Variants in PLEKHN1 observed in about 807,000 individuals in gnomAD.
The protein encoded by PLEKHN1 is pleckstrin homology domain containing N1.
Under a neutral mutation model 72.8 loss-of-function variants are expected in PLEKHN1, and 68 were observed. That is an observed-to-expected ratio of 0.93 (90% CI 0.77 to 1.14). The LOEUF is 1.14. Among genes scored for constraint, PLEKHN1 ranks in the 50% most tolerant of loss-of-function variants. The pLI is 0.00. For missense variants in PLEKHN1, 1,015 were observed against 840.5 expected, an observed-to-expected ratio of 1.21 and a Z score of -2.57; for synonymous variants, 454 against 371.6, an observed-to-expected ratio of 1.22 and a Z score of -2.55.
At position 972,928 on chromosome 1, in the gene PLEKHN1, C is replaced by G. The variant is rs780834850; in HGVS notation, c.1070C>G (p.Ala357Gly). 1 of 1,561,350 alleles carries G rather than the reference C, an allele frequency of 6.4e-7. No individual in the cohort carries two copies. Among genetic ancestry groups the G allele is most frequent in the Non-Finnish European group, 8.7e-7 (1 of 1,152,752 alleles). Residue 357 changes from alanine (A) to glycine (G), a missense_variant, in exon 11 of 16, where the codon GCG becomes GGG. Coordinates refer to ENST00000379410, the MANE Select transcript of PLEKHN1 (RefSeq NM_032129.3). ...GQTSWDSGCL[A>G]PPSTRTSHSL... Reference sequence around the variant, plus strand: ...ACCAGCTGGGACTCGGGGTGCTTGGCGCCCCCCTCCACCCGCACCAGCCAC... The same window carrying G: ...ACCAGCTGGGACTCGGGGTGCTTGGGGCCCCCCTCCACCCGCACCAGCCAC...
At chr1:966,891 C>T (rs1643019433) in intron 2 of PLEKHN1, 88 bp downstream of exon 2, 2 of 1,388,884 alleles carry the variant, frequency 1.4e-6, no homozygotes, top group Non-Finnish European at 1.9e-6. Context: ...TCAGGGTCTT[C>T]CCCTCGCCCC....
At position 971,953 on chromosome 1, in the gene PLEKHN1, G is replaced by A. The variant is rs1030509058; in HGVS notation, c.790-122G>A. 33 of 933,644 alleles carry A rather than the reference G, an allele frequency of 3.5e-5. No homozygotes were observed. In the African/African-American group the frequency reaches 4.3e-4, roughly 12 times the overall value. The allele number at this position is 933,644 out of a possible 1,614,324, so 57.8% of individuals were successfully genotyped here. A position where few individuals can be genotyped will look rare whatever the true frequency, so the allele number is the denominator to read the frequency against. ...CCCACTGGCCTCCCTCAGGGTGGTGGCCTCGGTGCCCAGCTCTCCAAGTAC... is the reference window on the plus strand; with the variant it reads ...CCCACTGGCCTCCCTCAGGGTGGTGACCTCGGTGCCCAGCTCTCCAAGTAC... On this transcript the variant is annotated intron_variant, in intron 8 of 15. Transcript: ENST00000379410.
rs188276424 is a variant in PLEKHN1, at chr1:970,584, G to A, written c.394G>A (p.Glu132Lys). ...AHLYFQAHGS[E>K]GLTFQGLLPL... ...CCTGTACTTCCAGGCCCACGGCTCG[G>A]AAGGACTCACATTTCAGGTGAGGCG... Residue 132 changes from glutamate (E) to lysine (K), a missense_variant, in exon 4 of 16, where the codon GAA becomes AAA. Transcript: ENST00000379410. This position sits in a 1 kb window ranked among gnomAD's most constrained non-coding sequence, Gnocchi z 4.2. 6.2e-7 allele frequency: 1 copy of A among 1,612,800 alleles called. No individual in the cohort carries two copies. Among genetic ancestry groups the A allele is most frequent in the African/African-American group, 1.3e-5 (1 of 75,022 alleles).
intron 8 of PLEKHN1, 53 bp from the exon 9 acceptor site, chr1:972,022 G>C: frequency 1.9e-6 from 3 of 1,561,064 alleles, no homozygotes; most frequent in Non-Finnish European, 2.6e-6. Context: ...GAGGCCAGGC[G>C]GGGCCCCGGG....
chr1:971,137 G>GCGT lies in PLEKHN1; in HGVS notation c.639_641dup (p.Ser214dup). 6.2e-7 allele frequency: 1 copy of GCGT among 1,601,032 alleles called. No individual in the cohort carries two copies. Among genetic ancestry groups the GCGT allele is most frequent in the Non-Finnish European group, 8.5e-7 (1 of 1,174,786 alleles). ...GCGCCGTCTAACCCGGCTGCGGACG[G>GCGT]CGTCAGGGCACGAACCCGGCGGCAG... On this transcript the variant is annotated inframe_insertion, in exon 7 of 16. Transcript: ENST00000379410.
chr1:973,467 G>A (rs199889602), intron 12 of PLEKHN1, 33 bp from the exon 13 acceptor site: 47 of 1,607,562 alleles, frequency 2.9e-5, no homozygotes, highest in Non-Finnish European at 3.7e-5. Context: ...GTTTCTAGCC[G>A]AGAAGCCCAT....
chr1:969,373 G>A (rs922614203), intron 2 of PLEKHN1, among the ~76,000 whole-genome samples: 1,065 of 37,846 alleles, frequency 0.028, 15 homozygotes, highest in African/African-American at 0.18. Context: ...GTTTGCACGT[G>A]TATATGTGTG....
At position 972,376 on chromosome 1, in the gene PLEKHN1, G is replaced by A; in HGVS notation, c.954G>A (p.Arg318=). The A allele has an allele frequency of 1.3e-5, 20 of 1,589,862 alleles. No homozygotes were observed. The highest frequency in any genetic ancestry group is 1.7e-5 in the Non-Finnish European group (20 of 1,170,650). Residue 318 remains arginine (R), a synonymous_variant, in exon 10 of 16, where the codon AGG becomes AGA. Coordinates refer to ENST00000379410, the MANE Select transcript of PLEKHN1 (RefSeq NM_032129.3). ...WLLCLRAVTH[R]EGAPPLPGAE... Reference sequence around the variant, plus strand: ...TGTGCCTTCGCGCTGTCACCCACAGGGAGGGGGCCCCGCCGCTGCCTGGTG... The same window carrying A: ...TGTGCCTTCGCGCTGTCACCCACAGAGAGGGGGCCCCGCCGCTGCCTGGTG...
chr1:967,379 C>A (rs1256506537), intron 2 of PLEKHN1, among the ~76,000 whole-genome samples: 2 of 147,100 alleles, frequency 1.4e-5, no homozygotes, highest in African/African-American at 5.3e-5. Context: ...CATGCCCACC[C>A]CCCCCCCAGC....
intron 2 of PLEKHN1, among the ~76,000 whole-genome samples, chr1:969,499 T>C (rs1231756870): frequency 6.6e-6 from 1 of 151,990 alleles, no homozygotes; most frequent in South Asian, 2.1e-4. Context: ...TGTGTGTGCA[T>C]GTGTGTATAG....
rs777231398 is a variant in PLEKHN1, at chr1:972,438, A to T, written c.1002+14A>T. On this transcript the variant is annotated intron_variant, in intron 10 of 15. Coordinates refer to ENST00000379410, the MANE Select transcript of PLEKHN1 (RefSeq NM_032129.3). ...CCAGGGTCGCAGGTGAGGGGTCAAT[A>T]GGCCCCACAGCCCAGGTCCTGGGCA... is the stretch of plus-strand genomic sequence containing the variant. 8 of 1,552,536 alleles carry T rather than the reference A, an allele frequency of 5.2e-6. No homozygotes were observed. Among genetic ancestry groups the T allele is most frequent in the Non-Finnish European group, 5.2e-6 (6 of 1,152,996 alleles).
chr1:972,508 G>A, intron 10 of PLEKHN1, 84 bp downstream of exon 10: 3 of 1,427,858 alleles, frequency 2.1e-6, no homozygotes, highest in East Asian at 5.0e-5. Context: ...GCGCACGCCT[G>A]TAATCCCAGC....
At position 969,330 on chromosome 1, in the gene PLEKHN1, C is replaced by T. The variant is rs531455702; in HGVS notation, c.184-947C>T. Reference sequence around the variant, plus strand: ...GTGTGGGGAAGTGTGTCTGTGTGTGCGTGTGTGTGCACAAGTGTGTATGTG... The same window carrying T: ...GTGTGGGGAAGTGTGTCTGTGTGTGTGTGTGTGTGCACAAGTGTGTATGTG... On this transcript the variant is annotated intron_variant, in intron 2 of 15. Coordinates refer to ENST00000379410, the MANE Select transcript of PLEKHN1 (RefSeq NM_032129.3). 2.7e-4 allele frequency among the ~76,000 whole-genome samples: 41 copies of T among 152,194 alleles called. No homozygotes were observed. The South Asian group carries it at 8.1e-3, about 30-fold the overall frequency.
chr1:969,371 G>C (rs539687904), intron 2 of PLEKHN1, among the ~76,000 whole-genome samples: 1 of 37,094 alleles, frequency 2.7e-5, no homozygotes, highest in Non-Finnish European at 4.6e-5. Flanking sequence ...GTGTTTGCAC[G>C]TGTATATGTG....
intron 2 of PLEKHN1, among the ~76,000 whole-genome samples, chr1:969,870 C>T (rs561219427): frequency 1.3e-5 from 2 of 151,022 alleles, no homozygotes; most frequent in African/African-American, 4.9e-5. Context: ...TGTGCGTGTA[C>T]GTGTACACGA....
At chr1:972,581 C>T (rs566223802) in intron 10 of PLEKHN1, among the ~76,000 whole-genome samples, 157 bp downstream of exon 10, 32 of 152,244 alleles carry the variant, frequency 2.1e-4, no homozygotes, top group Middle Eastern at 6.8e-3. Flanking sequence ...GCCTGACCGA[C>T]GTGGAGAAAC....
intron 2 of PLEKHN1, 117 bp downstream of exon 2, chr1:966,920 G>T (rs938601986): frequency 1.7e-6 from 2 of 1,149,738 alleles, no homozygotes; most frequent in Admixed American, 2.8e-5. Flanking sequence ...TCAGACCCCG[G>T]TAGGTGAGGA....
rs377301279 is a variant in PLEKHN1, at chr1:970,761, G to T, written c.484+3G>T. The T allele has an allele frequency of 5.0e-6, 8 of 1,612,526 alleles. No individual in the cohort carries two copies. In the African/African-American group the frequency reaches 9.3e-5, roughly 19 times the overall value. On this transcript the variant is annotated splice_donor_region_variant and intron_variant, in intron 5 of 15. Transcript: ENST00000379410. This position sits in a 1 kb window ranked among gnomAD's most constrained non-coding sequence, Gnocchi z 4.2. ...AGAGCACGCCTTCCAGATCACAGGT[G>T]TTTGGGATGCTTCCCGGGCCCCCAG... is the stretch of plus-strand genomic sequence containing the variant.
intron 14 of PLEKHN1, 125 bp downstream of exon 14, chr1:974,176 G>A (rs1643496609): frequency 2.0e-6 from 3 of 1,494,908 alleles, no homozygotes; most frequent in South Asian, 2.3e-5. Flanking sequence ...ATGGAGGCCA[G>A]GGGGGCCAGT....
Sources: allele counts gnomAD v4.1 joint callset (sites outside exome capture counted in the v4.1 genomes callset), GRCh38; gene constraint gnomAD v4.1.1; non-coding constraint Gnocchi (gnomAD v3.1); transcripts MANE v1.5; gene names NCBI Gene and HGNC (gene_info 2026-07-23, HGNC 2026-07-21).